Variants in TBX15 observed in about 807,000 individuals in gnomAD.
The protein encoded by TBX15 is T-box transcription factor TBX15.
In TBX15, 18 loss-of-function variants were observed where a neutral mutation model predicts 53.9. The ratio of observed to expected loss-of-function variants is 0.33; its 90% confidence interval spans 0.23 to 0.49. The LOEUF (loss-of-function observed/expected upper bound fraction) is 0.49. Among genes scored for constraint, TBX15 ranks in the 20% least tolerant of loss-of-function variants. The pLI is 0.98. For synonymous variants in TBX15, 295 were observed against 278.0 expected (o/e 1.06, Z -0.61); for missense variants, 692 against 749.5 (o/e 0.92, Z 0.90).
chr1:118,956,899 T>A (rs1656710101), intron 1 of TBX15, among the ~76,000 whole-genome samples: 2 of 150,904 alleles, frequency 1.3e-5, no homozygotes, highest in African/African-American at 4.9e-5. Flanking sequence ...GGAGGCGGAG[T>A]TTGCAGTGAG....
intron 6 of TBX15, among the ~76,000 whole-genome samples, chr1:118,903,165 C>T (rs116047553): frequency 0.011 from 1,649 of 152,224 alleles, 30 homozygotes; most frequent in African/African-American, 0.038. Flanking sequence ...ATCACCTCTC[C>T]GGTTTCCAGG....
Position 118,924,631 on chromosome 1 carries a change from G to A in TBX15, c.693+15C>T. 6.2e-7 allele frequency: 1 copy of A among 1,613,898 alleles called. No homozygotes were observed. The highest frequency in any genetic ancestry group is 8.5e-7 in the Non-Finnish European group (1 of 1,179,824). On this transcript the variant is annotated intron_variant, in intron 4 of 7. Transcript: ENST00000369429. ...GAAGAGAGAAAGAAAGGGGAGATAGGATTCTTTGACTCACATGTCCTTGAT... is the reference window on the plus strand; with the variant it reads ...GAAGAGAGAAAGAAAGGGGAGATAGAATTCTTTGACTCACATGTCCTTGAT...
At chr1:118,901,198 T>C (rs1212072159) in intron 6 of TBX15, among the ~76,000 whole-genome samples, 1 of 152,212 alleles carries the variant, frequency 6.6e-6, no homozygotes, top group Non-Finnish European at 1.5e-5. Flanking sequence ...CTCACAGTTC[T>C]GGAGGCTGAG....
chr1:118,906,673 A>G (rs1312377169), intron 6 of TBX15, among the ~76,000 whole-genome samples: 1 of 152,194 alleles, frequency 6.6e-6, no homozygotes, highest in Non-Finnish European at 1.5e-5. Flanking sequence ...CAGGTTAAGT[A>G]TCAACCTCAT....
chr1:118,984,469 C>A (rs973469693), intron 1 of TBX15, among the ~76,000 whole-genome samples: 30 of 152,366 alleles, frequency 2.0e-4, no homozygotes, highest in Admixed American at 1.7e-3. Flanking sequence ...GAGGTCCGAG[C>A]GCAGATGGCG....
At chr1:118,938,315 A>G (rs1656031868) in intron 1 of TBX15, among the ~76,000 whole-genome samples, 1 of 152,146 alleles carries the variant, frequency 6.6e-6, no homozygotes, top group Admixed American at 6.5e-5. Flanking sequence ...TCCCATGCCA[A>G]TAAGCCAATT....
intron 1 of TBX15, among the ~76,000 whole-genome samples, chr1:118,944,408 TG>T (rs1656280689): frequency 6.6e-6 from 1 of 152,344 alleles, no homozygotes; most frequent in East Asian, 1.9e-4. Flanking sequence ...ATCCTCACCA[TG>T]TCACTTAATT....
At chr1:118,900,813 T>C (rs1386349608) in intron 6 of TBX15, among the ~76,000 whole-genome samples, 2 of 152,142 alleles carry the variant, frequency 1.3e-5, no homozygotes, top group East Asian at 1.9e-4. Context: ...AAGAAATAGA[T>C]AGGCCAGGCT....
At position 118,931,747 on chromosome 1, in the gene TBX15, A is replaced by G. The variant is rs1159249684; in HGVS notation, c.291T>C (p.Ser97=). 1.2e-6 allele frequency: 2 copies of G among 1,613,546 alleles called. No individual in the cohort carries two copies. The highest frequency in any genetic ancestry group is 1.7e-5 in the Admixed American group (1 of 59,978). ...CAGCAGGCACAGGGCCTGCAGCACC[A>G]GAGGCCAGGTCAGTGTGAGTACTGA... ...CSFSTHTDLA[S]GAAGPVPAAM... The change falls in exon 2 of 8, where the codon TCT becomes TCC. Residue 97 remains serine (S), a synonymous_variant. Transcript: ENST00000369429.
At chr1:118,967,070 G>A (rs563294550) in intron 1 of TBX15, among the ~76,000 whole-genome samples, 1 of 152,170 alleles carries the variant, frequency 6.6e-6, no homozygotes, top group East Asian at 1.9e-4. Flanking sequence ...GACATACAGA[G>A]ATAAAGACAG....
chr1:118,940,279 T>C (rs1656129243), intron 1 of TBX15, among the ~76,000 whole-genome samples: 3 of 151,996 alleles, frequency 2.0e-5, no homozygotes, highest in South Asian at 4.1e-4. Flanking sequence ...CTTCATCAAC[T>C]TAACATTATT....
intron 1 of TBX15, among the ~76,000 whole-genome samples, chr1:118,974,967 G>A (rs1002351186): frequency 5.3e-5 from 8 of 152,154 alleles, no homozygotes; most frequent in African/African-American, 1.7e-4. Flanking sequence ...AGAAATGCAC[G>A]AATTGCCCGT....
chr1:118,926,683 A>T, intron 2 of TBX15, 72 bp from the exon 3 acceptor site: 1 of 1,306,866 alleles, frequency 7.7e-7, no homozygotes, highest in East Asian at 2.4e-5. Context: ...AGCTTAAACA[A>T]TGTGGGTTTT....
At chr1:118,939,259 T>A (rs1656067060) in intron 1 of TBX15, among the ~76,000 whole-genome samples, 1 of 151,132 alleles carries the variant, frequency 6.6e-6, no homozygotes, top group African/African-American at 2.4e-5. Flanking sequence ...ATCCAAAAAT[T>A]AGCCAGGCAT....
chr1:118,984,484 C>A (rs929290723), intron 1 of TBX15, among the ~76,000 whole-genome samples: 3 of 152,224 alleles, frequency 2.0e-5, no homozygotes, highest in Admixed American at 2.0e-4. Context: ...ATGGCGCCGC[C>A]GAGCGCCTGA....
At chr1:118,936,408 G>A (rs560742304) in intron 1 of TBX15, among the ~76,000 whole-genome samples, 5 of 152,116 alleles carry the variant, frequency 3.3e-5, no homozygotes, top group East Asian at 1.9e-4. Flanking sequence ...GGAATTATTC[G>A]TTACTGCAGT....
chr1:118,922,737 CA>C (rs1390821551), intron 5 of TBX15, among the ~76,000 whole-genome samples: 1 of 152,158 alleles, frequency 6.6e-6, no homozygotes, highest in East Asian at 1.9e-4. Flanking sequence ...AAGAGGCTGT[CA>C]GAAACCCATG....
At chr1:118,956,780 G>A (rs866696901) in intron 1 of TBX15, among the ~76,000 whole-genome samples, 24 of 120,540 alleles carry the variant, frequency 2.0e-4, no homozygotes, top group Middle Eastern at 4.3e-3. Flanking sequence ...GTGAAACCCC[G>A]TTTCTACTAA....
In TBX15 at chr1:118,893,356, G is replaced by GGAAGGAAAGAAAGAAA. The variant is rs1409523115; in HGVS notation, c.1024+5671_1024+5672insTTTCTTTCTTTCCTTC. ...AAGAAGGAAGGAAGGAAGGAAGGAA[G>GGAAGGAAAGAAAGAAA]GAAAGAAAGAAAGAAAGAAAGAAAG... On this transcript the variant is annotated intron_variant, in intron 7 of 7. Transcript: ENST00000369429. 1.4e-3 allele frequency among the ~76,000 whole-genome samples: 71 copies of GGAAGGAAAGAAAGAAA among 51,042 alleles called. 1 individual carries two copies. Among genetic ancestry groups the GGAAGGAAAGAAAGAAA allele is most frequent in the Admixed American group, 1.8e-3 (8 of 4,476 alleles). The allele number at this position is 51,042 out of a possible 152,430, so 33.5% of individuals were successfully genotyped here.
Sources: gnomAD v4.1 joint callset for allele counts (sites outside exome capture counted in the v4.1 genomes callset) on GRCh38, gnomAD v4.1.1 for gene constraint, MANE v1.5 for transcripts, NCBI Gene and HGNC (gene_info 2026-07-23, HGNC 2026-07-21) for gene names.